FBXO34: variants seen among roughly 807,000 people sequenced by gnomAD.
The protein encoded by FBXO34 is F-box only protein 34.
Under a neutral mutation model 24.5 loss-of-function variants are expected in FBXO34, and 12 were observed. The observed-to-expected ratio is 0.49, with a 90% CI of 0.31 to 0.79. The LOEUF is 0.79. FBXO34 is among the 30% of genes least tolerant of loss of function. The pLI is 0.04. For missense variants in FBXO34, 823 were observed against 857.7 expected (o/e 0.96, Z 0.51); for synonymous variants, 320 against 311.9 (o/e 1.03, Z -0.27).
chr14:55,339,340 C>T (rs780888580), intron 1 of FBXO34: 1 of 151,618 alleles, frequency 6.6e-6, no homozygotes, highest in Non-Finnish European at 1.5e-5. Context: ...TCAGGAATTT[C>T]CCTAGGGTAG....
At chr14:55,375,931 A>G in the FBXO34 span, among the ~76,000 whole-genome samples, 1 of 152,234 alleles carries the variant, frequency 6.6e-6, no homozygotes, top group Non-Finnish European at 1.5e-5. Context: ...GATATCCACT[A>G]GTAATAATCT....
At chr14:55,322,061 G>A (rs749852335) in intron 1 of FBXO34, among the ~76,000 whole-genome samples, 3 of 152,134 alleles carry the variant, frequency 2.0e-5, no homozygotes, top group Non-Finnish European at 2.9e-5. Flanking sequence ...GGTGGCTCAC[G>A]CCTGTAATCC....
At chr14:55,317,021 A>T (rs1292943571) in intron 1 of FBXO34, among the ~76,000 whole-genome samples, 1 of 152,188 alleles carries the variant, frequency 6.6e-6, no homozygotes, top group Non-Finnish European at 1.5e-5. Flanking sequence ...TGGCTGGCAA[A>T]TTTAGACTGG....
At chr14:55,337,721 TA>T (rs938904457) in intron 1 of FBXO34, among the ~76,000 whole-genome samples, 7 of 152,258 alleles carry the variant, frequency 4.6e-5, no homozygotes, top group African/African-American at 1.7e-4. Flanking sequence ...AAATATTTGA[TA>T]AACAAATGAA....
At chr14:55,442,197 T>G in the FBXO34 span, among the ~76,000 whole-genome samples, 1 of 150,060 alleles carries the variant, frequency 6.7e-6, no homozygotes, top group Non-Finnish European at 1.5e-5. Flanking sequence ...AAGACCAGCC[T>G]GGCCAACATG....
At chr14:55,414,023 A>T in the FBXO34 span, 1 of 537,308 alleles carries the variant, frequency 1.9e-6, no homozygotes, top group Non-Finnish European at 3.6e-6. Flanking sequence ...GAGAACATGT[A>T]TCAGGTGCCT....
chr14:55,413,326 A>G, the FBXO34 span, among the ~76,000 whole-genome samples: 7 of 152,240 alleles, frequency 4.6e-5, no homozygotes, highest in Admixed American at 1.3e-4. Context: ...ATTAATTCCT[A>G]TCGTGCTAGA....
At chr14:55,383,017 A>G in the FBXO34 span, among the ~76,000 whole-genome samples, 2 of 152,222 alleles carry the variant, frequency 1.3e-5, no homozygotes, top group Non-Finnish European at 2.9e-5. Flanking sequence ...TTTAATACTC[A>G]AGTCTTTCTG....
chr14:55,420,103 C>T, the FBXO34 span, among the ~76,000 whole-genome samples: 3 of 152,186 alleles, frequency 2.0e-5, no homozygotes, highest in South Asian at 4.1e-4. Context: ...CAGACTCTTG[C>T]TCTGTTACCC....
the FBXO34 span, among the ~76,000 whole-genome samples, chr14:55,409,931 T>C: frequency 1.3e-5 from 2 of 152,228 alleles, no homozygotes; most frequent in Admixed American, 6.5e-5. Context: ...TCTGGTAGAT[T>C]GGACCAGGTG....
At chr14:55,305,316 G>C (rs1882501761) in intron 1 of FBXO34, among the ~76,000 whole-genome samples, 1 of 152,004 alleles carries the variant, frequency 6.6e-6, no homozygotes, top group African/African-American at 2.4e-5. Context: ...GGAGGCTGAG[G>C]CAGGGGAATA....
the FBXO34 span, among the ~76,000 whole-genome samples, chr14:55,377,587 C>T: frequency 4.6e-5 from 7 of 152,138 alleles, 1 homozygote; most frequent in South Asian, 6.2e-4. Context: ...TCTTCAACTG[C>T]GCTTCAGGTA....
chr14:55,380,674 G>A, the FBXO34 span: 3 of 1,604,368 alleles, frequency 1.9e-6, no homozygotes, highest in Non-Finnish European at 2.6e-6. Flanking sequence ...TGTAGGCAGG[G>A]TTACTCTGCT....
chr14:55,322,939 T>C (rs28504448), intron 1 of FBXO34, among the ~76,000 whole-genome samples: 56,485 of 143,298 alleles, frequency 0.39, 11,400 homozygotes, highest in Non-Finnish European at 0.42. Context: ...TTTGGGAGGC[T>C]GAGGTGGGCG....
chr14:55,354,483 C>G (rs1052397467), downstream of FBXO34: 4 of 152,238 alleles, frequency 2.6e-5, no homozygotes, highest in African/African-American at 9.7e-5. Context: ...AAACAACTCT[C>G]TTGGTTGGTT....
At chr14:55,369,532 T>C, downstream of FBXO34, 1 of 1,258,510 alleles carries the variant, frequency 7.9e-7, no homozygotes, top group South Asian at 2.1e-5. Flanking sequence ...CCAGACACTA[T>C]CTTAACTTAA....
the FBXO34 span, among the ~76,000 whole-genome samples, chr14:55,431,856 A>G: frequency 6.6e-6 from 1 of 152,180 alleles, no homozygotes; most frequent in Admixed American, 6.5e-5. Flanking sequence ...CAGTAGCCAC[A>G]TCTGACTAGT....
the FBXO34 span, among the ~76,000 whole-genome samples, chr14:55,388,555 A>G: frequency 1.3e-5 from 2 of 152,234 alleles, no homozygotes; most frequent in Admixed American, 1.3e-4. Flanking sequence ...TAACTTCCCT[A>G]TCTATGCCCT....
chr14:55,397,026 A>G, the FBXO34 span, among the ~76,000 whole-genome samples: 1 of 152,242 alleles, frequency 6.6e-6, no homozygotes, highest in Non-Finnish European at 1.5e-5. Flanking sequence ...CAAAAGAAGA[A>G]TGGTAAATGG....
Sources: gnomAD v4.1 joint callset for allele counts (sites outside exome capture counted in the v4.1 genomes callset) on GRCh38, gnomAD v4.1.1 for gene constraint, MANE v1.5 for transcripts, NCBI Gene and HGNC (gene_info 2026-07-23, HGNC 2026-07-21) for gene names.